TNFRSF19: variants seen among roughly 807,000 people sequenced by gnomAD.
The protein encoded by TNFRSF19 is tumor necrosis factor receptor superfamily member 19.
In TNFRSF19, 27 loss-of-function variants were observed where a neutral mutation model predicts 46.4. The ratio of observed to expected loss-of-function variants is 0.58; its 90% CI spans 0.43 to 0.80. The LOEUF (loss-of-function observed/expected upper bound fraction) is 0.80, where lower values mean the gene tolerates loss of function less well. TNFRSF19 is among the 30% of genes least tolerant of loss of function. TNFRSF19 has a pLI of 0.00. For synonymous variants in TNFRSF19, 204 were observed against 205.0 expected (o/e 1.00, Z 0.04); for missense variants, 511 against 530.8 (o/e 0.96, Z 0.37).
At chr13:23,652,379 C>T (rs566382868) in intron 5 of TNFRSF19, among the ~76,000 whole-genome samples, 6 of 152,252 alleles carry the variant, frequency 3.9e-5, no homozygotes, top group South Asian at 2.1e-4. Context: ...AAGGTCTTCC[C>T]GTTTTCTTCT....
intron 9 of TNFRSF19, chr13:23,669,614 T>C: frequency 1.0e-6 from 1 of 985,260 alleles, no homozygotes; most frequent in Non-Finnish European, 1.2e-6. Flanking sequence ...TGGCTGGAAA[T>C]TGATTGTTGG....
At chr13:23,604,316 T>C (rs188323128) in intron 3 of TNFRSF19, among the ~76,000 whole-genome samples, 1 of 151,498 alleles carries the variant, frequency 6.6e-6, no homozygotes, top group Admixed American at 6.6e-5. Flanking sequence ...ACAAGATCTT[T>C]ATGAGGAAAA....
chr13:23,639,383 G>A (rs1365843222), intron 5 of TNFRSF19, among the ~76,000 whole-genome samples: 2 of 151,994 alleles, frequency 1.3e-5, no homozygotes, highest in African/African-American at 2.4e-5. Context: ...ACAGAGCAAG[G>A]CTCCATCTCA....
At chr13:23,666,310 G>C (rs1565954470) in intron 7 of TNFRSF19, among the ~76,000 whole-genome samples, 1 of 152,184 alleles carries the variant, frequency 6.6e-6, no homozygotes, top group Non-Finnish European at 1.5e-5. Context: ...ATTTGTACTG[G>C]AATCAGTCAT....
intron 5 of TNFRSF19, among the ~76,000 whole-genome samples, chr13:23,636,785 T>TA (rs1401418459): frequency 2.6e-5 from 4 of 152,060 alleles, no homozygotes; most frequent in Non-Finnish European, 5.9e-5. Flanking sequence ...CTGTTGGAAG[T>TA]AGAGTTGAGG....
intron 5 of TNFRSF19, among the ~76,000 whole-genome samples, chr13:23,639,374 CAG>C (rs1200464821): frequency 2.0e-5 from 3 of 152,146 alleles, no homozygotes; most frequent in Admixed American, 6.5e-5. Flanking sequence ...GCCTGGGCAA[CAG>C]AGCAAGGCTC....
intron 7 of TNFRSF19, among the ~76,000 whole-genome samples, chr13:23,665,736 C>T (rs953126537): frequency 1.1e-4 from 17 of 152,212 alleles, no homozygotes; most frequent in Admixed American, 1.0e-3. Flanking sequence ...CATTTTCTCT[C>T]ACATAACAAC....
intron 5 of TNFRSF19, among the ~76,000 whole-genome samples, chr13:23,632,019 T>C (rs887282081): frequency 6.6e-6 from 1 of 152,212 alleles, no homozygotes; most frequent in Admixed American, 6.5e-5. Context: ...TTGTGGATGG[T>C]TTTTTGTTTC....
chr13:23,573,945 C>T (rs1301349312), intron 1 of TNFRSF19, among the ~76,000 whole-genome samples: 7 of 151,712 alleles, frequency 4.6e-5, no homozygotes, highest in Non-Finnish European at 1.0e-4. Flanking sequence ...GCCTGTAGTC[C>T]CAGCTACTTG....
Position 23,620,777 on chromosome 13 carries a change from G to A in TNFRSF19, c.359+4732G>A, listed in dbSNP as rs1881597711. Reference sequence around the variant, plus strand: ...GCTCCTCTGCTGGCAGCCGGTTCCTGAGTCCTTCCTGGCTCAGGGGAACTG... The same window carrying A: ...GCTCCTCTGCTGGCAGCCGGTTCCTAAGTCCTTCCTGGCTCAGGGGAACTG... On this transcript the variant is annotated intron_variant, in intron 4 of 9. Coordinates refer to ENST00000248484, the MANE Select transcript of TNFRSF19 (RefSeq NM_148957.4). 2.0e-5 allele frequency among the ~76,000 whole-genome samples: 3 copies of A among 152,178 alleles called. No homozygotes were observed. In the South Asian group the frequency reaches 6.2e-4, roughly 31 times the overall value.
intron 1 of TNFRSF19, chr13:23,585,336 AATT>A (rs1878744694): frequency 6.6e-6 from 1 of 152,246 alleles, no homozygotes; most frequent in Non-Finnish European, 1.5e-5. Context: ...AGATTATTAG[AATT>A]ATTACAAAGC....
intron 3 of TNFRSF19, among the ~76,000 whole-genome samples, chr13:23,615,064 G>A (rs1881178152): frequency 6.6e-6 from 1 of 152,126 alleles, no homozygotes; most frequent in East Asian, 1.9e-4. Flanking sequence ...TTCTAATTCT[G>A]TATTAAAACT....
At chr13:23,594,636 C>G (rs761795615) in intron 3 of TNFRSF19, among the ~76,000 whole-genome samples, 1 of 152,220 alleles carries the variant, frequency 6.6e-6, no homozygotes, top group African/African-American at 2.4e-5. Flanking sequence ...AGATAAACTC[C>G]CATCTCCCTG....
At chr13:23,650,397 A>T (rs1410234732) in intron 5 of TNFRSF19, among the ~76,000 whole-genome samples, 1 of 152,252 alleles carries the variant, frequency 6.6e-6, no homozygotes, top group Non-Finnish European at 1.5e-5. Context: ...ATACAATGGA[A>T]TATTATTCAG....
At chr13:23,586,273 A>G (rs940310298) in intron 1 of TNFRSF19, among the ~76,000 whole-genome samples, 65 of 149,304 alleles carry the variant, frequency 4.4e-4, no homozygotes, top group African/African-American at 1.5e-3. Flanking sequence ...AAAAAAAAAA[A>G]AAAGAAAAGA....
chr13:23,602,223 A>G (rs1566177118), intron 3 of TNFRSF19, among the ~76,000 whole-genome samples: 1 of 152,178 alleles, frequency 6.6e-6, no homozygotes, highest in East Asian at 1.9e-4. Context: ...TAGCTATATT[A>G]ATTTCAGACA....
At chr13:23,630,324 A>T (rs1343779108) in intron 5 of TNFRSF19, among the ~76,000 whole-genome samples, 2 of 146,966 alleles carry the variant, frequency 1.4e-5, no homozygotes, top group African/African-American at 2.5e-5. Context: ...AAAAAAAAAA[A>T]GGGTAAAAAA....
Position 23,593,471 on chromosome 13 carries a change from G to T in TNFRSF19, c.180+16G>T, listed in dbSNP as rs548218551. The T allele has an allele frequency of 8.7e-5, 132 of 1,525,238 alleles. 2 individuals are homozygous for T. The South Asian group carries it at 1.5e-3, about 17-fold the overall frequency. 94.5% of individuals were successfully genotyped at this position (1,525,238 alleles called of 1,614,324 possible). On this transcript the variant is annotated intron_variant, in intron 3 of 9. Coordinates refer to ENST00000248484, the MANE Select transcript of TNFRSF19 (RefSeq NM_148957.4). ...GTTGTCTAAGGTATATTGGATACAT[G>T]GCAAAGTTGTGTATCTGTGTTTGTA...
At chr13:23,651,840 C>G (rs369322651) in intron 5 of TNFRSF19, among the ~76,000 whole-genome samples, 1 of 35,994 alleles carries the variant, frequency 2.8e-5, no homozygotes, top group African/African-American at 1.2e-4. Flanking sequence ...ACACTATAGT[C>G]TTTTTTTTTT....
Sources: gnomAD v4.1 joint callset for allele counts (sites outside exome capture counted in the v4.1 genomes callset) on GRCh38, gnomAD v4.1.1 for gene constraint, MANE v1.5 for transcripts, NCBI Gene and HGNC (gene_info 2026-07-23, HGNC 2026-07-21) for gene names.